Variants in FBXO45 observed in about 807,000 individuals in gnomAD.
FBXO45 encodes F-box/SPRY domain-containing protein 1.
FBXO45 carries 3 observed loss-of-function variants against 25.5 expected under a neutral mutation model. The ratio of observed to expected loss-of-function variants is 0.12; its 90% CI spans 0.05 to 0.30. The LOEUF (loss-of-function observed/expected upper bound fraction) is 0.30, where lower values mean the gene tolerates loss of function less well. Among genes scored for constraint, FBXO45 ranks in the 10% least tolerant of loss-of-function variants. The pLI is 1.00. For missense variants in FBXO45, 219 were observed against 365.0 expected (o/e 0.60, Z 3.26); for synonymous variants, 155 against 149.8 (o/e 1.03, Z -0.25).
chr3:196,581,074 C>T (rs1388261959), intron 2 of FBXO45, among the ~76,000 whole-genome samples: 2 of 152,192 alleles, frequency 1.3e-5, no homozygotes, highest in African/African-American at 4.8e-5. Context: ...GCATGAACCA[C>T]TGGGCTTGAC....
At position 196,577,716 on chromosome 3, in the gene FBXO45, G is replaced by A. The variant is rs1263010717; in HGVS notation, c.582G>A (p.Gln194=). The change falls in exon 2 of 3, where the codon CAG becomes CAA. Residue 194 remains glutamine (Q), a synonymous_variant. Transcript: ENST00000311630. The part of the protein sequence containing the change: ...GYVALLGSDD[Q]SWGWNLVDNN... Reference sequence around the variant, plus strand: ...TGGCATTGCTGGGCAGTGATGACCAGAGCTGGGGCTGGAATCTGGTGGACA... The same window carrying A: ...TGGCATTGCTGGGCAGTGATGACCAAAGCTGGGGCTGGAATCTGGTGGACA... 11 of 1,613,902 alleles carry A rather than the reference G, an allele frequency of 6.8e-6. No individual in the cohort carries two copies. The highest frequency in any genetic ancestry group is 9.3e-6 in the Non-Finnish European group (11 of 1,179,904).
At chr3:196,577,407 G>T in intron 1 of FBXO45, 46 bp from the exon 2 acceptor site, 1 of 1,367,170 alleles carries the variant, frequency 7.3e-7, no homozygotes, top group South Asian at 1.6e-5. Context: ...TAATATTTAA[G>T]AAAAATAAAA....
chr3:196,579,694 A>AT (rs139690943), intron 2 of FBXO45, among the ~76,000 whole-genome samples: 1 of 152,104 alleles, frequency 6.6e-6, no homozygotes, highest in Admixed American at 6.5e-5. Context: ...AGTGTTACTG[A>AT]TTTTTTTCTA....
At chr3:196,579,581 A>C (rs192871428) in intron 2 of FBXO45, among the ~76,000 whole-genome samples, 3 of 152,194 alleles carry the variant, frequency 2.0e-5, no homozygotes, top group Non-Finnish European at 2.9e-5. Flanking sequence ...TGTCTGGATG[A>C]GTGTCCCATG....
intron 2 of FBXO45, among the ~76,000 whole-genome samples, chr3:196,580,328 C>T (rs886079717): frequency 1.3e-5 from 2 of 152,102 alleles, no homozygotes; most frequent in Non-Finnish European, 2.9e-5. Context: ...TCTCCTACCT[C>T]AGCCTCTTGG....
At chr3:196,570,708 TTTTC>T (rs556374473) in intron 1 of FBXO45, among the ~76,000 whole-genome samples, 1,228 of 100,176 alleles carry the variant, frequency 0.012, 15 homozygotes, top group East Asian at 0.039. Context: ...CTCTTTTCTT[TTTTC>T]TTTTTTTTTT....
intron 1 of FBXO45, among the ~76,000 whole-genome samples, chr3:196,573,465 G>T (rs577253460): frequency 6.6e-6 from 1 of 152,304 alleles, no homozygotes; most frequent in South Asian, 2.1e-4. Context: ...AAAAGACTAG[G>T]CCATAGATGA....
chr3:196,569,054 G>GCGGGCGCGGGCT lies in FBXO45; in HGVS notation c.76_87dup (p.Ala26_Gly29dup), dbSNP rs752435861. The GCGGGCGCGGGCT allele has an allele frequency of 1.1e-4, 125 of 1,141,768 alleles. 1 individual carries two copies. In the African/African-American group the frequency reaches 1.9e-3, roughly 18 times the overall value. 70.7% of individuals were successfully genotyped at this position (1,141,768 alleles called of 1,614,324 possible). On this transcript the variant is annotated inframe_insertion, in exon 1 of 3. Transcript: ENST00000311630. The surrounding 1 kb of genome is among the most constrained non-coding windows in gnomAD (Gnocchi z 4.1). The stretch of plus-strand genomic sequence containing the variant: ...TGGCTGTAGCGGCGGCGGCGCGGGC[G>GCGGGCGCGGGCT]CGGGCGCGGGCTCGGGCTCTGGGGC...
At chr3:196,575,457 CAAA>C (rs1198432279) in intron 1 of FBXO45, among the ~76,000 whole-genome samples, 10 of 89,974 alleles carry the variant, frequency 1.1e-4, no homozygotes, top group East Asian at 8.0e-4. Context: ...GACTCTGTCT[CAAA>C]AAAAAAAAAA....
At chr3:196,578,755 T>C (rs535671191) in intron 2 of FBXO45, among the ~76,000 whole-genome samples, 18 of 152,212 alleles carry the variant, frequency 1.2e-4, no homozygotes, top group Non-Finnish European at 1.8e-4. Flanking sequence ...TGTGACCCAA[T>C]GCAAATTCAT....
In FBXO45 at chr3:196,584,928, C is replaced by T. The variant is rs2108729988; in HGVS notation, c.*610C>T. ...ACAAACAGGTTGTTTTGTTCTAGTTCTAATTTCTTAAAAACCACTACATGG... is the reference window on the plus strand; with the variant it reads ...ACAAACAGGTTGTTTTGTTCTAGTTTTAATTTCTTAAAAACCACTACATGG... On this transcript the variant is annotated 3_prime_UTR_variant, in exon 3 of 3. Transcript: ENST00000311630. This position sits in a 1 kb window ranked among gnomAD's most constrained non-coding sequence, Gnocchi z 4.3. 1 of 151,636 alleles carries T rather than the reference C, an allele frequency of 6.6e-6. No individual in the cohort carries two copies. Among genetic ancestry groups the T allele is most frequent in the African/African-American group, 2.4e-5 (1 of 41,396 alleles). The allele number at this position is 151,636 out of a possible 1,614,324, so 9.4% of individuals were successfully genotyped here. A position where few individuals can be genotyped will look rare whatever the true frequency, so the allele number is the denominator to read the frequency against.
At position 196,584,394 on chromosome 3, in the gene FBXO45, C is replaced by CA; in HGVS notation, c.*77dup. The CA allele has an allele frequency of 7.8e-7, 1 of 1,288,268 alleles. No individual in the cohort carries two copies. The highest frequency in any genetic ancestry group is 1.1e-6 in the Non-Finnish European group (1 of 946,614). 79.8% of individuals were successfully genotyped at this position (1,288,268 alleles called of 1,614,324 possible). On this transcript the variant is annotated 3_prime_UTR_variant, in exon 3 of 3. Coordinates refer to ENST00000311630, the MANE Select transcript of FBXO45 (RefSeq NM_001105573.2). This position sits in a 1 kb window ranked among gnomAD's most constrained non-coding sequence, Gnocchi z 4.3. Reference sequence around the variant, plus strand: ...GGAAGTAGAACCATGAAGTGACTGTCACACATGCATGTCCAAGAAACATCC... The same window carrying CA: ...GGAAGTAGAACCATGAAGTGACTGTCAACACATGCATGTCCAAGAAACATCC...
chr3:196,573,465 G>A (rs577253460), intron 1 of FBXO45, among the ~76,000 whole-genome samples: 1 of 152,186 alleles, frequency 6.6e-6, no homozygotes, highest in Non-Finnish European at 1.5e-5. Context: ...AAAAGACTAG[G>A]CCATAGATGA....
At chr3:196,582,660 T>C (rs1429813029) in intron 2 of FBXO45, among the ~76,000 whole-genome samples, 2 of 151,784 alleles carry the variant, frequency 1.3e-5, no homozygotes, top group African/African-American at 4.8e-5. Context: ...GGGAAAAAAC[T>C]GGATATATTC....
At chr3:196,575,062 C>T (rs1284138705) in intron 1 of FBXO45, among the ~76,000 whole-genome samples, 3 of 152,054 alleles carry the variant, frequency 2.0e-5, no homozygotes, top group Non-Finnish European at 4.4e-5. Flanking sequence ...GAGTTGAGGA[C>T]TGAGTTTGGA....
intron 1 of FBXO45, among the ~76,000 whole-genome samples, chr3:196,574,131 C>T (rs1467593288): frequency 6.6e-6 from 1 of 152,006 alleles, no homozygotes; most frequent in Non-Finnish European, 1.5e-5. Flanking sequence ...GACAGGCTTT[C>T]ACCATGTTGG....
chr3:196,585,711 T>C lies in FBXO45; in HGVS notation c.*1393T>C, dbSNP rs750759805. ...CCCACATGAGCTGAGAGTTTTTCTT[T>C]TGTTAGAAAAGAAACAGACATCTTT... On this transcript the variant is annotated 3_prime_UTR_variant, in exon 3 of 3. Coordinates refer to ENST00000311630, the MANE Select transcript of FBXO45 (RefSeq NM_001105573.2). The C allele has an allele frequency of 8.5e-5, 13 of 152,262 alleles. No homozygotes were observed. Among genetic ancestry groups the C allele is most frequent in the Non-Finnish European group, 1.5e-4 (10 of 68,048 alleles). 9.4% of individuals were successfully genotyped at this position (152,262 alleles called of 1,614,324 possible).
In FBXO45 at chr3:196,585,394, C is replaced by CA. The variant is rs1246202694; in HGVS notation, c.*1083dup. On this transcript the variant is annotated 3_prime_UTR_variant, in exon 3 of 3. Transcript: ENST00000311630. ...ACCTTATAAATGCTGTAGATATTAT[C>CA]AAAAAAATTTTAATTTCATATTGTT... The CA allele has an allele frequency of 6.6e-6, 1 of 151,996 alleles. No individual in the cohort carries two copies. The highest frequency in any genetic ancestry group is 1.5e-5 in the Non-Finnish European group (1 of 67,998). 9.4% of individuals were successfully genotyped at this position (151,996 alleles called of 1,614,324 possible). A position where few individuals can be genotyped will look rare whatever the true frequency, so the allele number is the denominator to read the frequency against.
rs1735934818 is a variant in FBXO45, at chr3:196,577,500, T to C, written c.366T>C (p.Asn122=). Residue 122 remains asparagine, a synonymous_variant, in exon 2 of 3, where the codon AAT becomes AAC. Transcript: ENST00000311630. ...TCAGCACTAATGACTGCTCCAGGAA[T>C]GTCTACATTAAGAAGAATGGCTTTA... The part of the protein sequence containing the change: ...HAFSTNDCSR[N]VYIKKNGFTL... The C allele has an allele frequency of 6.2e-7, 1 of 1,613,678 alleles. No individual in the cohort carries two copies. Among genetic ancestry groups the C allele is most frequent in the African/African-American group, 1.3e-5 (1 of 75,066 alleles).
Sources: gnomAD v4.1 joint callset for allele counts (sites outside exome capture counted in the v4.1 genomes callset) on GRCh38, gnomAD v4.1.1 for gene constraint, Gnocchi (gnomAD v3.1) non-coding constraint, MANE v1.5 for transcripts, NCBI Gene and HGNC (gene_info 2026-07-23, HGNC 2026-07-21) for gene names.